SASH1: variants seen among roughly 807,000 people sequenced by gnomAD.
SASH1 encodes the protein SAM and SH3 domain containing 1.
Under a neutral mutation model 125.2 loss-of-function variants are expected in SASH1, and 44 were observed. The observed-to-expected ratio is 0.35, with a 90% confidence interval of 0.28 to 0.45. The LOEUF (loss-of-function observed/expected upper bound fraction) is 0.45, where lower values mean the gene tolerates loss of function less well. SASH1 is among the 20% of genes least tolerant of loss of function. SASH1 has a pLI of 1.00. For missense variants in SASH1, 1,426 were observed against 1,614.5 expected (o/e 0.88, Z 2.00); for synonymous variants, 639 against 649.1 (o/e 0.98, Z 0.24).
chr6:148,267,365 T>TTATGTGTGTGTGTGTGTG (rs1554227759), upstream of SASH1, among the ~76,000 whole-genome samples: 7 of 130,014 alleles, frequency 5.4e-5, no homozygotes, highest in Admixed American at 1.5e-4. Context: ...CAGTACTACT[T>TTATGTGTGTGTGTGTGTG]TGTGTGTGTG....
At chr6:148,289,001 C>CTT (rs552526012) in intron 1 of SASH1, among the ~76,000 whole-genome samples, 1 of 148,720 alleles carries the variant, frequency 6.7e-6, no homozygotes, top group African/African-American at 2.5e-5. Flanking sequence ...TTTTTTCTTT[C>CTT]TTTTTTTTTT....
Position 148,343,114 on chromosome 6 carries a change from A to C in SASH1, c.47A>C (p.Glu16Ala). 6.3e-7 allele frequency: 1 copy of C among 1,585,186 alleles called. No homozygotes were observed. The highest frequency in any genetic ancestry group is 8.5e-7 in the Non-Finnish European group (1 of 1,172,998). The change falls in exon 1 of 20, where the codon GAG becomes GCG. Residue 16 changes from glutamate (E) to alanine (A), a missense_variant. Glu to Ala is a moderately radical substitution (Grantham distance 107). Around this residue, in one of 3 missense-constraint regions of SASH1, gnomAD observed 567 missense variants for 575.6 expected, o/e 0.99. Transcript: ENST00000367467. The part of the protein sequence containing the change: ...AAGPGPEPEP[E>A]PEPEPEPAPE... ...GGCCCGGGGCCGGAGCCTGAGCCCG[A>C]GCCCGAGCCGGAGCCCGAGCCCGCG...
intron 1 of SASH1, among the ~76,000 whole-genome samples, chr6:148,368,770 G>GCACGCACACACACACACACA (rs1554245333): frequency 5.5e-4 from 75 of 135,478 alleles, no homozygotes; most frequent in Middle Eastern, 3.8e-3. Flanking sequence ...GCACGCGCGC[G>GCACGCACACACACACACACA]CACACACACA....
intron 1 of SASH1, among the ~76,000 whole-genome samples, chr6:148,333,503 C>T (rs1488706197): frequency 6.6e-6 from 1 of 152,150 alleles, no homozygotes; most frequent in Non-Finnish European, 1.5e-5. Flanking sequence ...CTTGGTGATG[C>T]TAATGATTGA....
intron 16 of SASH1, among the ~76,000 whole-genome samples, chr6:148,539,793 C>G (rs1271436457): frequency 6.6e-6 from 1 of 152,066 alleles, no homozygotes; most frequent in Non-Finnish European, 1.5e-5. Flanking sequence ...TCCCAAACAA[C>G]AAAAACAAAA....
intron 1 of SASH1, among the ~76,000 whole-genome samples, chr6:148,297,609 C>T (rs958370407): frequency 1.3e-5 from 2 of 152,162 alleles, no homozygotes; most frequent in Non-Finnish European, 2.9e-5. Flanking sequence ...AGGTGGATTG[C>T]CTGAGGTCAG....
chr6:148,213,401 CA>C, the SASH1 span, among the ~76,000 whole-genome samples: 8 of 151,186 alleles, frequency 5.3e-5, no homozygotes, highest in East Asian at 7.8e-4. Context: ...AAATTAATAG[CA>C]AAAAAAAGTT....
the SASH1 span, among the ~76,000 whole-genome samples, chr6:148,198,806 T>C: frequency 6.6e-6 from 1 of 152,260 alleles, no homozygotes; most frequent in Non-Finnish European, 1.5e-5. Flanking sequence ...CATTTTCACA[T>C]AATAATCCAG....
chr6:148,341,437 T>G (rs1253746297), upstream of SASH1, among the ~76,000 whole-genome samples: 1 of 151,036 alleles, frequency 6.6e-6, no homozygotes, highest in Non-Finnish European at 1.5e-5. Flanking sequence ...CCTCCCAAAG[T>G]GCTGGGATTA....
intron 2 of SASH1, among the ~76,000 whole-genome samples, chr6:148,417,303 C>T (rs1784861076): frequency 6.6e-6 from 1 of 152,108 alleles, no homozygotes; most frequent in South Asian, 2.1e-4. Context: ...GTGTGTATCC[C>T]TGGTCGGGCG....
intron 2 of SASH1, among the ~76,000 whole-genome samples, chr6:148,425,062 C>T (rs557002092): frequency 1.6e-4 from 24 of 152,208 alleles, no homozygotes; most frequent in Admixed American, 6.5e-4. Flanking sequence ...TGTACTTCAG[C>T]GGCATACTTG....
At chr6:148,334,996 A>T (rs1781111741) in intron 1 of SASH1, among the ~76,000 whole-genome samples, 1 of 148,258 alleles carries the variant, frequency 6.7e-6, no homozygotes, top group African/African-American at 2.5e-5. Flanking sequence ...AAAAGAAAAG[A>T]AAAGAAAAAA....
chr6:148,508,893 C>T (rs1197072311), intron 8 of SASH1: 38 of 1,260,942 alleles, frequency 3.0e-5, no homozygotes, highest in Admixed American at 6.9e-5. Flanking sequence ...TCACTGAATG[C>T]GTTCAATGGG....
the SASH1 span, among the ~76,000 whole-genome samples, chr6:148,244,024 T>C: frequency 1.9e-4 from 29 of 152,200 alleles, no homozygotes; most frequent in African/African-American, 6.3e-4. Flanking sequence ...ACTGATGAGA[T>C]TGGTTTCTGA....
rs983674478 is a variant in SASH1, at chr6:148,412,141, G to T, written c.285+21879G>T. Among the ~76,000 whole-genome samples, 3 of 152,270 alleles carry T rather than the reference G, an allele frequency of 2.0e-5. No individual in the cohort carries two copies. The East Asian group carries it at 5.8e-4, about 29-fold the overall frequency. The stretch of plus-strand genomic sequence containing the variant: ...TATGTATTTGAAGATGTTTAAGGTG[G>T]TTCCATTTTTTTGCAAATCAGAAGC... On this transcript the variant is annotated intron_variant, in intron 2 of 19. Coordinates refer to ENST00000367467, the MANE Select transcript of SASH1 (RefSeq NM_015278.5).
chr6:148,318,159 T>G (rs1780529037), intron 1 of SASH1, among the ~76,000 whole-genome samples: 1 of 152,174 alleles, frequency 6.6e-6, no homozygotes, highest in African/African-American at 2.4e-5. Context: ...CCAGACCAAT[T>G]TTTAGAACAC....
intron 1 of SASH1, among the ~76,000 whole-genome samples, chr6:148,347,531 C>T (rs1168141637): frequency 6.6e-6 from 1 of 152,172 alleles, no homozygotes; most frequent in Non-Finnish European, 1.5e-5. Flanking sequence ...ATGTCTCCCT[C>T]TTTTCCTTTG....
chr6:148,499,168 A>G (rs1471791814), intron 8 of SASH1, among the ~76,000 whole-genome samples: 1 of 150,966 alleles, frequency 6.6e-6, no homozygotes, highest in Non-Finnish European at 1.5e-5. Flanking sequence ...GTCAGTCATG[A>G]GACAAATCAT....
At chr6:148,433,411 T>TTC (rs1554256648) in intron 2 of SASH1, among the ~76,000 whole-genome samples, 45 of 141,316 alleles carry the variant, frequency 3.2e-4, no homozygotes, top group African/African-American at 1.3e-3. Flanking sequence ...TTTTTCTTTT[T>TTC]TTTTTTTTTT....
Sources: gnomAD v4.1 joint callset for allele counts (sites outside exome capture counted in the v4.1 genomes callset) on GRCh38, gnomAD v4.1.1 for gene constraint, gnomAD v4.1.1 regional missense constraint, MANE v1.5 for transcripts, NCBI Gene and HGNC (gene_info 2026-07-23, HGNC 2026-07-21) for gene names.